APBB2: variants seen among roughly 807,000 people sequenced by gnomAD.
The protein encoded by APBB2 is Fe65-like 1.
In APBB2, 38 loss-of-function variants were observed where a neutral mutation model predicts 82.5. The ratio of observed to expected loss-of-function variants is 0.46; its 90% CI spans 0.36 to 0.60. The LOEUF (loss-of-function observed/expected upper bound fraction) is 0.60. Ranked by LOEUF, APBB2 falls within the 20% of genes least tolerant of loss-of-function variation. APBB2 has a pLI of 0.00. For synonymous variants in APBB2, 341 were observed against 368.2 expected (o/e 0.93, Z 0.85); for missense variants, 772 against 972.3 (o/e 0.79, Z 2.74).
At chr4:41,082,582 T>G (rs1181819290) in intron 3 of APBB2, among the ~76,000 whole-genome samples, 2 of 151,794 alleles carry the variant, frequency 1.3e-5, no homozygotes, top group Non-Finnish European at 2.9e-5. Context: ...TTTTTTTTTT[T>G]TTTTTAAGAG....
At chr4:40,893,468 GT>G (rs1772696908) in intron 10 of APBB2, 57 bp from the exon 11 acceptor site, 6 of 1,502,276 alleles carry the variant, frequency 4.0e-6, no homozygotes, top group Non-Finnish European at 5.4e-6. Flanking sequence ...AATCATATCA[GT>G]TTACACTACT....
intron 1 of APBB2, among the ~76,000 whole-genome samples, chr4:41,183,094 CTATGCT>C (rs1449830904): frequency 6.6e-6 from 1 of 152,190 alleles, no homozygotes; most frequent in Non-Finnish European, 1.5e-5. Context: ...CCATCCTTGT[CTATGCT>C]TACATTCTCT....
At chr4:41,150,075 T>G (rs534182055) in intron 1 of APBB2, among the ~76,000 whole-genome samples, 2 of 152,348 alleles carry the variant, frequency 1.3e-5, no homozygotes, top group African/African-American at 4.8e-5. Flanking sequence ...GCCCAAGTAC[T>G]CTGCATCATT....
intron 1 of APBB2, among the ~76,000 whole-genome samples, chr4:41,196,042 C>T: frequency 0.036 from 5,522 of 152,114 alleles, 164 homozygotes; most frequent in Non-Finnish European, 0.046. Context: ...GCCTGTAGTC[C>T]CAGCTACTTG....
intron 4 of APBB2, among the ~76,000 whole-genome samples, chr4:41,049,442 CAA>C (rs1560614699): frequency 1.3e-3 from 198 of 149,340 alleles, no homozygotes; most frequent in Non-Finnish European, 1.7e-3. Flanking sequence ...CCCGGCCAGC[CAA>C]CCCCTCCGCG....
intron 12 of APBB2, among the ~76,000 whole-genome samples, chr4:40,858,185 T>G (rs1400341333): frequency 3.3e-5 from 5 of 152,020 alleles, no homozygotes; most frequent in Non-Finnish European, 1.5e-5. Context: ...GCACTTTAAG[T>G]AAGAGTCCTG....
At chr4:41,075,726 T>C (rs1056516388) in intron 3 of APBB2, among the ~76,000 whole-genome samples, 5 of 152,220 alleles carry the variant, frequency 3.3e-5, no homozygotes, top group African/African-American at 1.2e-4. Flanking sequence ...GGTGGAAATA[T>C]TATGTTACGC....
chr4:40,813,697 A>G lies in APBB2; in HGVS notation c.*2395T>C, dbSNP rs1191844523. ...ACTTAAAGCTAGCTCAGAATTCTTG[A>G]TCTTGAAAACAAGCAAATGTATGCC... On this transcript the variant is annotated 3_prime_UTR_variant, in exon 18 of 18. Transcript: ENST00000508593. 6.6e-6 allele frequency: 1 copy of G among 152,218 alleles called. No homozygotes were observed. Among genetic ancestry groups the G allele is most frequent in the Non-Finnish European group, 1.5e-5 (1 of 68,034 alleles). 9.4% of individuals were successfully genotyped at this position (152,218 alleles called of 1,614,324 possible).
chr4:40,938,420 G>A (rs1377565718), intron 7 of APBB2, among the ~76,000 whole-genome samples: 1 of 152,184 alleles, frequency 6.6e-6, no homozygotes, highest in African/African-American at 2.4e-5. Context: ...CCAGTAAGGA[G>A]GGAATCCGAT....
rs1732917680 is a variant in APBB2, at chr4:41,069,008, A to G, written c.-148-3335T>C. On this transcript the variant is annotated intron_variant, in intron 3 of 17. Transcript: ENST00000508593. The stretch of plus-strand genomic sequence containing the variant: ...ATGGGGTTTCACCATGTTGGCCAGG[A>G]TGGTCTCGATCTCTTGACCTTGTGA... Among the ~76,000 whole-genome samples the G allele has an allele frequency of 2.6e-5, 4 of 151,928 alleles. No homozygotes were observed. The South Asian group carries it at 8.3e-4, about 32-fold the overall frequency.
intron 4 of APBB2, among the ~76,000 whole-genome samples, chr4:41,049,377 T>G (rs978349712): frequency 1.9e-4 from 16 of 84,340 alleles, no homozygotes; most frequent in East Asian, 6.2e-4. Flanking sequence ...AGGTGGGGGG[T>G]CAGCCCCCGC....
intron 12 of APBB2, among the ~76,000 whole-genome samples, chr4:40,885,102 G>A (rs1769836124): frequency 6.6e-6 from 1 of 152,220 alleles, no homozygotes; most frequent in African/African-American, 2.4e-5. Flanking sequence ...GAATAAGAGA[G>A]CACTGTTTAA....
intron 6 of APBB2, among the ~76,000 whole-genome samples, chr4:40,970,055 T>A (rs774896835): frequency 1.3e-5 from 2 of 152,188 alleles, no homozygotes; most frequent in Non-Finnish European, 2.9e-5. Context: ...GGGATCCATC[T>A]TTTTTCTGCC....
chr4:41,135,601 T>G (rs75990663), intron 2 of APBB2, among the ~76,000 whole-genome samples: 3 of 152,222 alleles, frequency 2.0e-5, no homozygotes, highest in Non-Finnish European at 4.4e-5. Flanking sequence ...ACTGAGAAAG[T>G]ACTGTTTGTT....
At chr4:40,855,398 C>A (rs142033943) in intron 12 of APBB2, among the ~76,000 whole-genome samples, 4 of 152,120 alleles carry the variant, frequency 2.6e-5, no homozygotes, top group Non-Finnish European at 5.9e-5. Context: ...AACAACGTGG[C>A]GGCTGTTAGA....
intron 1 of APBB2, among the ~76,000 whole-genome samples, chr4:41,185,526 A>C (rs1317214671): frequency 6.6e-6 from 1 of 152,212 alleles, no homozygotes; most frequent in Non-Finnish European, 1.5e-5. Flanking sequence ...ATTTCAAAGA[A>C]AACTCTGCTC....
intron 12 of APBB2, among the ~76,000 whole-genome samples, chr4:40,879,838 T>C (rs1767937088): frequency 6.6e-6 from 1 of 152,030 alleles, no homozygotes; most frequent in Admixed American, 6.6e-5. Flanking sequence ...ATTACAGGCA[T>C]GTGCTAACAC....
chr4:40,835,759 G>C (rs1753702369), intron 12 of APBB2, among the ~76,000 whole-genome samples: 1 of 152,220 alleles, frequency 6.6e-6, no homozygotes, highest in Non-Finnish European at 1.5e-5. Context: ...GGGGACTGCT[G>C]GGGGCCACTG....
intron 12 of APBB2, among the ~76,000 whole-genome samples, chr4:40,855,628 C>T (rs1228805542): frequency 1.3e-5 from 2 of 151,958 alleles, no homozygotes; most frequent in Non-Finnish European, 2.9e-5. Context: ...CCCAGCTACT[C>T]AGGAGGCTGA....
Sources: gnomAD v4.1 joint callset for allele counts (sites outside exome capture counted in the v4.1 genomes callset) on GRCh38, gnomAD v4.1.1 for gene constraint, MANE v1.5 for transcripts, NCBI Gene and HGNC (gene_info 2026-07-23, HGNC 2026-07-21) for gene names.